Variants in LAMA5 observed in about 807,000 individuals in gnomAD.
The protein encoded by LAMA5 is laminin subunit alpha 5.
LAMA5 carries 260 observed loss-of-function variants against 433.4 expected under a neutral mutation model. That is an observed-to-expected ratio of 0.60 (90% CI 0.54 to 0.66). The LOEUF (loss-of-function observed/expected upper bound fraction) is 0.66, where lower values mean the gene tolerates loss of function less well. Ranked by LOEUF, LAMA5 falls within the 30% of genes least tolerant of loss-of-function variation. The probability of loss-of-function intolerance (pLI) is 0.00; values close to 1 mark genes in which losing one functional copy is unlikely to be tolerated. For synonymous variants in LAMA5, 2,620 were observed against 2,226.6 expected (o/e 1.18, Z -4.97); for missense variants, 5,378 against 5,258.5 (o/e 1.02, Z -0.70).
intron 59 of LAMA5, 30 bp from the exon 60 acceptor site, chr20:62,314,977 C>A (rs780625111): frequency 4.4e-6 from 7 of 1,579,010 alleles, no homozygotes; most frequent in Middle Eastern, 1.7e-4. Context: ...AGACCTTTGC[C>A]CCCCACCGTG....
chr20:62,325,305 C>G lies in LAMA5; in HGVS notation c.5529+11G>C. On this transcript the variant is annotated intron_variant, in intron 41 of 79. Transcript: ENST00000252999. ...GAGCCGCCTCGCAGTCTGGTGCTGTCCTAACCTCACCTGGCATGAGTCCCC... is the reference window on the plus strand; with the variant it reads ...GAGCCGCCTCGCAGTCTGGTGCTGTGCTAACCTCACCTGGCATGAGTCCCC... The G allele has an allele frequency of 1.9e-6, 3 of 1,561,030 alleles. No homozygotes were observed. The highest frequency in any genetic ancestry group is 2.6e-6 in the Non-Finnish European group (3 of 1,149,048).
At chr20:62,331,582 G>A (rs1479976235) in intron 28 of LAMA5, among the ~76,000 whole-genome samples, 1 of 152,118 alleles carries the variant, frequency 6.6e-6, no homozygotes, top group Non-Finnish European at 1.5e-5. Context: ...CACCAGGCCG[G>A]GCCAGGCCCA....
Position 62,328,964 on chromosome 20 carries a change from C to A in LAMA5, c.4327G>T (p.Val1443Leu), listed in dbSNP as rs746391924. ...TCACACGTGGGGCCTGTAGCACCTA[C>A]TTCGTGGCAGCCACATGGACGGGCT... Reference protein sequence around the residue: ...NGARPCGCHEVGATGPTCEPF... With the variant: ...NGARPCGCHELGATGPTCEPF... The change falls in exon 34 of 80, where the codon GTA becomes TTA. Residue 1443 changes from valine (V) to leucine (L), a missense_variant. Transcript: ENST00000252999. 6.2e-7 allele frequency: 1 copy of A among 1,612,434 alleles called. No individual in the cohort carries two copies. The highest frequency in any genetic ancestry group is 8.5e-7 in the Non-Finnish European group (1 of 1,179,710).
intron 51 of LAMA5, 151 bp from the exon 52 acceptor site, chr20:62,319,164 G>A (rs1987380100): frequency 1.4e-6 from 1 of 738,798 alleles, no homozygotes; most frequent in African/African-American, 1.8e-5. Flanking sequence ...AGAGCACCTG[G>A]CGAAAGGCCA....
rs1986396105 is a variant in LAMA5 at position 62,312,450 on chromosome 20, T to C, written c.9310A>G (p.Lys3104Glu). Reference protein sequence around the residue: ...IKALGKYVDLKRLNTTGVSAG... With the variant: ...IKALGKYVDLERLNTTGVSAG... ...CTCACGCCTGTCGTGTTCAGCCGCTTGAGGTCCACATACTTGCCCAGGGCC... is the reference window on the plus strand; with the variant it reads ...CTCACGCCTGTCGTGTTCAGCCGCTCGAGGTCCACATACTTGCCCAGGGCC... The change falls in exon 68 of 80, where the codon AAG (lysine) becomes GAG (glutamate). Residue 3104 changes from lysine to glutamate, a missense_variant. Coordinates refer to ENST00000252999, the MANE Select transcript of LAMA5 (RefSeq NM_005560.6). The C allele has an allele frequency of 6.3e-7, 1 of 1,598,070 alleles. No homozygotes were observed. The highest frequency in any genetic ancestry group is 1.3e-5 in the African/African-American group (1 of 74,892).
Position 62,331,103 on chromosome 20 carries a change from C to T in LAMA5, c.3579G>A (p.Glu1193=). The part of the protein sequence containing the change: ...FLHGVTLVPI[E]EFSPEFVEPR... ...GCTCCACGAACTCCGGGCTGAACTC[C>T]TCAATGGGCACCAGAGTGACCCCGT... The change falls in exon 29 of 80, where the codon GAG becomes GAA. Residue 1193 remains glutamate, a synonymous_variant. Transcript: ENST00000252999. 1.2e-6 allele frequency: 2 copies of T among 1,602,164 alleles called. No homozygotes were observed. The highest frequency in any genetic ancestry group is 1.7e-6 in the Non-Finnish European group (2 of 1,174,660).
chr20:62,309,565 CCT>C (rs753136667), intron 79 of LAMA5, 90 bp from the exon 80 acceptor site: 176 of 892,132 alleles, frequency 2.0e-4, no homozygotes, highest in Middle Eastern at 4.4e-4. Flanking sequence ...CCACCCAGCC[CCT>C]GTCTCATTCC....
chr20:62,351,836 A>C (rs1601408018), intron 5 of LAMA5, 35 bp from the exon 6 acceptor site: 1 of 1,585,298 alleles, frequency 6.3e-7, no homozygotes, highest in Non-Finnish European at 8.6e-7. Context: ...CCAGGCGGCC[A>C]GGCCTCACTC....
chr20:62,342,612 G>A (rs992703560), intron 11 of LAMA5, among the ~76,000 whole-genome samples: 2 of 152,118 alleles, frequency 1.3e-5, no homozygotes, highest in Non-Finnish European at 2.9e-5. Flanking sequence ...CTGGAAGGCA[G>A]AGCTTGCAGT....
Position 62,311,406 on chromosome 20 carries a change from G to T in LAMA5, c.9937C>A (p.Arg3313=). The part of the protein sequence containing the change: ...LGPRGLQATA[R]KASRRSRQPA... ...CTCACCCCTGGGGTGCCCACCTTCC[G>T]GGCGGTGGCCTGCAGTCCTCTAGGC... is the stretch of plus-strand genomic sequence containing the variant. The change falls in exon 72 of 80, where the codon CGG becomes AGG. Residue 3313 remains arginine (R), a synonymous_variant. Coordinates refer to ENST00000252999, the MANE Select transcript of LAMA5 (RefSeq NM_005560.6). 6.4e-7 allele frequency: 1 copy of T among 1,563,002 alleles called. No individual in the cohort carries two copies. Among genetic ancestry groups the T allele is most frequent in the East Asian group, 2.3e-5 (1 of 42,652 alleles).
intron 2 of LAMA5, among the ~76,000 whole-genome samples, chr20:62,355,842 G>A (rs979538069): frequency 6.6e-6 from 1 of 152,104 alleles, no homozygotes; most frequent in East Asian, 1.9e-4. Context: ...GCTAGAGGTG[G>A]ACAGGGGCAG....
At chr20:62,317,588 A>G in intron 54 of LAMA5, 74 bp downstream of exon 54, 1 of 1,521,256 alleles carries the variant, frequency 6.6e-7, no homozygotes, top group East Asian at 2.3e-5. Flanking sequence ...AAGTGTGCAC[A>G]CAAAGCTGCC....
At position 62,334,607 on chromosome 20, in the gene LAMA5, T is replaced by C. The variant is rs964459380; in HGVS notation, c.2497A>G (p.Ile833Val). 3.4e-5 allele frequency: 53 copies of C among 1,547,188 alleles called. No homozygotes were observed. Among genetic ancestry groups the C allele is most frequent in the Non-Finnish European group, 4.6e-5 (53 of 1,146,582 alleles). The change falls in exon 21 of 80, where the codon ATT becomes GTT. Residue 833 changes from isoleucine to valine, a missense_variant. By Grantham distance (29) the Ile-to-Val change is conservative. Transcript: ENST00000252999. The part of the protein sequence containing the change: ...YFGCRSCRCD[I>V]GGALGQSCEP... ...CAGCTCTGGCCCAGTGCACCGCCAA[T>C]GTCACACCGGCAGCCTGCAGGGAGA...
Position 62,324,274 on chromosome 20 carries a change from A to G in LAMA5, c.5644-70T>C. On this transcript the variant is annotated intron_variant, in intron 42 of 79. Coordinates refer to ENST00000252999, the MANE Select transcript of LAMA5 (RefSeq NM_005560.6). This position sits in a 1 kb window ranked among gnomAD's most constrained non-coding sequence, Gnocchi z 4.4. ...CTACTGCCGAGTCTGTGCAGCTCCC[A>G]CCACCCCTGCCTCAGACTCTGTGCC... 1.3e-6 allele frequency: 2 copies of G among 1,548,884 alleles called. No homozygotes were observed. Among genetic ancestry groups the G allele is most frequent in the South Asian group, 1.2e-5 (1 of 84,120 alleles).
At chr20:62,325,570 A>G (rs774986543) in intron 40 of LAMA5, 24 bp from the exon 41 acceptor site, 2 of 1,501,710 alleles carry the variant, frequency 1.3e-6, no homozygotes, top group Admixed American at 1.7e-5. Context: ...ATGGCACCTC[A>G]GTGGGGCCAC....
At chr20:62,334,101 T>C in intron 22 of LAMA5, 62 bp from the exon 23 acceptor site, 1 of 1,588,244 alleles carries the variant, frequency 6.3e-7, no homozygotes, top group South Asian at 1.1e-5. Context: ...GGCCTGGGCC[T>C]TCAAGGGGCC....
At position 62,309,336 on chromosome 20, in the gene LAMA5, C is replaced by A. The variant is rs535340680; in HGVS notation, c.11088G>T (p.Ter3696TyrextTer24). 1.1e-5 allele frequency: 17 copies of A among 1,591,828 alleles called. No homozygotes were observed. The East Asian group carries it at 2.9e-4, about 27-fold the overall frequency. The change falls in exon 80 of 80, where the codon TAG becomes TAT. Residue 3696 changes from the stop codon to tyrosine (Y), a stop_lost. Transcript: ENST00000252999. ...AVGASGCPAA[*>Y] ...ACCAGGGGCCGGGGTTGGCTGTGTC[C>A]TAGGCGGCTGGGCAGCCACTGGCCC...
chr20:62,339,647 A>G (rs1301600110), intron 11 of LAMA5, among the ~76,000 whole-genome samples: 1 of 152,196 alleles, frequency 6.6e-6, no homozygotes, highest in Non-Finnish European at 1.5e-5. Context: ...ATAAAGGTTC[A>G]ATACTTGTCA....
intron 53 of LAMA5, among the ~76,000 whole-genome samples, 186 bp from the exon 54 acceptor site, chr20:62,317,964 G>A (rs537168172): frequency 8.5e-4 from 18 of 21,296 alleles, no homozygotes; most frequent in African/African-American, 3.6e-3. Flanking sequence ...GGGGTAGAGA[G>A]AAAAGTGGGG....
Sources: gnomAD v4.1 joint callset for allele counts (sites outside exome capture counted in the v4.1 genomes callset) on GRCh38, gnomAD v4.1.1 for gene constraint, Gnocchi (gnomAD v3.1) non-coding constraint, MANE v1.5 for transcripts, NCBI Gene and HGNC (gene_info 2026-07-23, HGNC 2026-07-21) for gene names.